The following TMEM132C variants were observed in gnomAD, a reference collection of about 807,000 sequenced individuals.
TMEM132C encodes the protein transmembrane protein 132C, also known as protein phosphatase 1, regulatory subunit 152.
TMEM132C carries 29 observed loss-of-function variants against 61.4 expected under a neutral mutation model. That is an observed-to-expected ratio of 0.47 (90% CI 0.35 to 0.64). The LOEUF is 0.64. TMEM132C is among the 30% of genes least tolerant of loss of function. The pLI is 0.00. For synonymous variants in TMEM132C, 656 were observed against 633.1 expected (o/e 1.04, Z -0.54); for missense variants, 1,408 against 1,476.9 (o/e 0.95, Z 0.76).
intron 1 of TMEM132C, among the ~76,000 whole-genome samples, chr12:128,350,393 C>T (rs913289868): frequency 1.3e-5 from 2 of 152,022 alleles, no homozygotes; most frequent in South Asian, 2.1e-4. Context: ...CAGAGCGTGA[C>T]GGGGCCACCC....
chr12:128,648,133 G>A (rs1312919537), intron 4 of TMEM132C, among the ~76,000 whole-genome samples: 10 of 150,956 alleles, frequency 6.6e-5, no homozygotes, highest in African/African-American at 1.5e-4. Flanking sequence ...GTCCATTAGC[G>A]TTGGATGTGA....
At chr12:128,377,561 A>G (rs1874234707) in intron 1 of TMEM132C, among the ~76,000 whole-genome samples, 1 of 152,230 alleles carries the variant, frequency 6.6e-6, no homozygotes, top group South Asian at 2.1e-4. Context: ...GGAAGTGAAT[A>G]CAACAGGAAG....
chr12:128,539,946 T>G (rs12815877), intron 2 of TMEM132C, among the ~76,000 whole-genome samples: 121 of 151,770 alleles, frequency 8.0e-4, no homozygotes, highest in Non-Finnish European at 1.6e-3. Flanking sequence ...TCTTAAATTA[T>G]TTCATTAATG....
chr12:128,271,289 A>C (rs1030351372), intron 1 of TMEM132C, among the ~76,000 whole-genome samples: 10 of 147,196 alleles, frequency 6.8e-5, no homozygotes, highest in Admixed American at 1.4e-4. Context: ...AATAATAATA[A>C]TAATAATAAT....
chr12:128,540,757 G>T (rs772016273), intron 2 of TMEM132C, among the ~76,000 whole-genome samples: 2 of 152,100 alleles, frequency 1.3e-5, no homozygotes, highest in Non-Finnish European at 2.9e-5. Context: ...TTCTCCCATC[G>T]GCAAGTGAGT....
At chr12:128,494,382 C>T (rs539154045) in intron 2 of TMEM132C, among the ~76,000 whole-genome samples, 36 of 152,300 alleles carry the variant, frequency 2.4e-4, no homozygotes, top group African/African-American at 7.9e-4. Flanking sequence ...AGGGAGGATT[C>T]CCTCTTTTTC....
intron 2 of TMEM132C, among the ~76,000 whole-genome samples, chr12:128,531,913 C>T (rs1873323862): frequency 6.6e-6 from 1 of 152,186 alleles, no homozygotes; most frequent in African/African-American, 2.4e-5. Flanking sequence ...TCACAAGGCT[C>T]CTGGTGGCAG....
chr12:128,701,423 A>G (rs1238774117), intron 8 of TMEM132C, among the ~76,000 whole-genome samples: 1 of 152,306 alleles, frequency 6.6e-6, no homozygotes. Flanking sequence ...ATCCAACTCA[A>G]CCTGCCTTCA....
chr12:128,636,198 G>A (rs1249697724), intron 4 of TMEM132C, among the ~76,000 whole-genome samples: 1 of 151,964 alleles, frequency 6.6e-6, no homozygotes, highest in African/African-American at 2.4e-5. Context: ...CCACAGGCAT[G>A]CATCACCACC....
At chr12:128,661,264 T>G (rs1229549334) in intron 4 of TMEM132C, among the ~76,000 whole-genome samples, 1 of 152,188 alleles carries the variant, frequency 6.6e-6, no homozygotes, top group Non-Finnish European at 1.5e-5. Context: ...CCACCCAGAT[T>G]ATGCAGGATA....
At chr12:128,267,680 C>G (rs914040384) in intron 1 of TMEM132C, among the ~76,000 whole-genome samples, 193 bp downstream of exon 1, 1 of 152,194 alleles carries the variant, frequency 6.6e-6, no homozygotes, top group Admixed American at 6.5e-5. Flanking sequence ...GCGCCGGGAT[C>G]CGGGCAAGTT....
At chr12:128,275,094 T>C (rs1328473453) in intron 1 of TMEM132C, among the ~76,000 whole-genome samples, 1 of 152,136 alleles carries the variant, frequency 6.6e-6, no homozygotes, top group East Asian at 1.9e-4. Context: ...CCCTAAGACC[T>C]AGTGTATGTA....
At chr12:128,515,866 T>C (rs1270619109) in intron 2 of TMEM132C, among the ~76,000 whole-genome samples, 1 of 152,086 alleles carries the variant, frequency 6.6e-6, no homozygotes, top group Admixed American at 6.5e-5. Flanking sequence ...TGATAACATT[T>C]TAAAGAAGAA....
At chr12:128,313,921 T>C (rs1374244395) in intron 1 of TMEM132C, among the ~76,000 whole-genome samples, 1 of 152,244 alleles carries the variant, frequency 6.6e-6, no homozygotes, top group Non-Finnish European at 1.5e-5. Flanking sequence ...AAGAGAGTCT[T>C]TGAGTTCCCT....
At position 128,488,434 on chromosome 12, in the gene TMEM132C, G is replaced by C. The variant is rs565672099; in HGVS notation, c.975-55523G>C. Among the ~76,000 whole-genome samples the C allele has an allele frequency of 2.0e-5, 3 of 152,350 alleles. No individual in the cohort carries two copies. The South Asian group carries it at 6.2e-4, about 32-fold the overall frequency. ...CCAGCACTTTGGGAGGCCAAGGCGGGTGGATCACCTGAGGTCGGGAGTTCA... is the reference window on the plus strand; with the variant it reads ...CCAGCACTTTGGGAGGCCAAGGCGGCTGGATCACCTGAGGTCGGGAGTTCA... On this transcript the variant is annotated intron_variant, in intron 2 of 8. Transcript: ENST00000435159.
chr12:128,663,807 GGC>G (rs1954420039), intron 4 of TMEM132C, among the ~76,000 whole-genome samples: 4 of 151,694 alleles, frequency 2.6e-5, no homozygotes, highest in Non-Finnish European at 4.4e-5. Flanking sequence ...CACACATACA[GGC>G]ACATGCACCC....
chr12:128,395,686 A>C, intron 1 of TMEM132C, among the ~76,000 whole-genome samples: 1 of 152,308 alleles, frequency 6.6e-6, no homozygotes, highest in Non-Finnish European at 1.5e-5. Flanking sequence ...CTGTTCTGAA[A>C]GTGAAAAGCA....
intron 3 of TMEM132C, among the ~76,000 whole-genome samples, chr12:128,600,123 C>G (rs1437002370): frequency 2.0e-5 from 3 of 152,180 alleles, no homozygotes; most frequent in Non-Finnish European, 4.4e-5. Context: ...GCTGGGACTA[C>G]AGACGCCCGC....
chr12:128,537,282 G>T (rs560837303), intron 2 of TMEM132C, among the ~76,000 whole-genome samples: 1 of 152,212 alleles, frequency 6.6e-6, no homozygotes, highest in African/African-American at 2.4e-5. Flanking sequence ...CCATAAAAGG[G>T]CAAGGCAGTA....
Sources: gnomAD v4.1 joint callset for allele counts (sites outside exome capture counted in the v4.1 genomes callset) on GRCh38, gnomAD v4.1.1 for gene constraint, MANE v1.5 for transcripts, NCBI Gene and HGNC (gene_info 2026-07-23, HGNC 2026-07-21) for gene names.